The following UBE2V2 variants were observed in gnomAD, a reference collection of about 807,000 sequenced individuals.
UBE2V2 encodes the protein ubiquitin conjugating enzyme E2 V2.
In UBE2V2, 9 loss-of-function variants were observed where a neutral mutation model predicts 17.2. That is an observed-to-expected ratio of 0.52 (90% CI 0.32 to 0.91). The LOEUF (loss-of-function observed/expected upper bound fraction) is 0.91, where lower values mean the gene tolerates loss of function less well. Ranked by LOEUF, UBE2V2 falls within the 40% of genes least tolerant of loss-of-function variation. The pLI is 0.04. For missense variants in UBE2V2, 133 were observed against 182.6 expected, an observed-to-expected ratio of 0.73 and a Z score of 1.56; for synonymous variants, 61 against 57.5, an observed-to-expected ratio of 1.06 and a Z score of -0.28.
intron 1 of UBE2V2, among the ~76,000 whole-genome samples, chr8:48,040,354 A>G (rs571794648): frequency 6.6e-6 from 1 of 152,306 alleles, no homozygotes; most frequent in South Asian, 2.1e-4. Flanking sequence ...TACCAGCCCT[A>G]TTCAGATTTC....
At chr8:48,030,522 AC>A (rs1443868215) in intron 1 of UBE2V2, among the ~76,000 whole-genome samples, 1 of 152,208 alleles carries the variant, frequency 6.6e-6, no homozygotes, top group Non-Finnish European at 1.5e-5. Flanking sequence ...GGAGTTCGAG[AC>A]CAGCCTGGGC....
At position 48,063,491 on chromosome 8, in the gene UBE2V2, C is replaced by G. The variant is rs1053576861; in HGVS notation, c.*2663C>G. 3.3e-5 allele frequency: 5 copies of G among 152,126 alleles called. No individual in the cohort carries two copies. The highest frequency in any genetic ancestry group is 1.2e-4 in the African/African-American group (5 of 41,426). 9.4% of individuals were successfully genotyped at this position (152,126 alleles called of 1,614,324 possible). A position where few individuals can be genotyped will look rare whatever the true frequency, so the allele number is the denominator to read the frequency against. On this transcript the variant is annotated 3_prime_UTR_variant, in exon 4 of 4. Coordinates refer to ENST00000523111, the MANE Select transcript of UBE2V2 (RefSeq NM_003350.3). Reference sequence around the variant, plus strand: ...CTTAGAAATTTGTTTAAAAGGCTAGCAAGTGAGACCCTTGAGGATGATCAT... The same window carrying G: ...CTTAGAAATTTGTTTAAAAGGCTAGGAAGTGAGACCCTTGAGGATGATCAT...
chr8:48,027,297 G>A (rs1172836431), intron 1 of UBE2V2, among the ~76,000 whole-genome samples: 2 of 152,068 alleles, frequency 1.3e-5, no homozygotes, highest in African/African-American at 4.8e-5. Context: ...CACTCTGCCC[G>A]GGCCCAAAAG....
At chr8:48,054,548 A>T (rs545512403) in intron 3 of UBE2V2, among the ~76,000 whole-genome samples, 1 of 152,304 alleles carries the variant, frequency 6.6e-6, no homozygotes, top group East Asian at 1.9e-4. Context: ...CTTCATTTAC[A>T]TCTAAGAGTT....
chr8:48,035,620 T>TTTTG (rs1491392832), intron 1 of UBE2V2, among the ~76,000 whole-genome samples: 1 of 44,528 alleles, frequency 2.2e-5, no homozygotes, highest in African/African-American at 5.0e-5. Context: ...AAAATTATTG[T>TTTTG]TTTTTTTTTT....
chr8:48,005,119 A>G (rs2091175695), upstream of UBE2V2, among the ~76,000 whole-genome samples: 1 of 150,164 alleles, frequency 6.7e-6, no homozygotes, highest in African/African-American at 2.5e-5. Context: ...TGCTACACCC[A>G]TCAACCTGTC....
intron 3 of UBE2V2, among the ~76,000 whole-genome samples, chr8:48,053,002 G>A (rs1464476010): frequency 6.6e-6 from 1 of 152,130 alleles, no homozygotes; most frequent in African/African-American, 2.4e-5. Flanking sequence ...CATCTCCTGG[G>A]TTTAAGTGAT....
intron 1 of UBE2V2, among the ~76,000 whole-genome samples, chr8:48,024,100 A>G (rs13255627): frequency 2.1e-3 from 317 of 152,278 alleles, no homozygotes; most frequent in South Asian, 4.1e-3. Flanking sequence ...GCTGTTTCAA[A>G]CCTTAGAAGG....
chr8:48,057,208 G>T (rs2091578709), intron 3 of UBE2V2, among the ~76,000 whole-genome samples: 1 of 152,210 alleles, frequency 6.6e-6, no homozygotes, highest in East Asian at 1.9e-4. Flanking sequence ...GATGAATATT[G>T]TCATCTTCAC....
Position 48,050,017 on chromosome 8 carries a change from T to A in UBE2V2, c.291+39T>A, listed in dbSNP as rs754243691. 3.6e-6 allele frequency: 5 copies of A among 1,371,458 alleles called. No homozygotes were observed. The East Asian group carries it at 1.2e-4, about 33-fold the overall frequency. 85.0% of individuals were successfully genotyped at this position (1,371,458 alleles called of 1,614,324 possible). Reference sequence around the variant, plus strand: ...GTCATTTTGGTTTTATATAACATAATGTATAGAGTTATATATTATACGTAC... The same window carrying A: ...GTCATTTTGGTTTTATATAACATAAAGTATAGAGTTATATATTATACGTAC... On this transcript the variant is annotated intron_variant, in intron 3 of 3. Transcript: ENST00000523111.
the UBE2V2 span, among the ~76,000 whole-genome samples, chr8:48,003,104 G>A: frequency 1.2e-4 from 19 of 152,136 alleles, no homozygotes; most frequent in South Asian, 1.7e-3. Context: ...CAGCTACTTG[G>A]GAGGCTGAGG....
At position 48,049,845 on chromosome 8, in the gene UBE2V2, C is replaced by A; in HGVS notation, c.166-8C>A. On this transcript the variant is annotated splice_region_variant and splice_polypyrimidine_tract_variant and intron_variant, in intron 2 of 3. Transcript: ENST00000523111. ...ATTTTGATTATCTTTTTGTTTTTTG[C>A]CTTCCAGACAAATTATGAAAACAGA... 6.3e-7 allele frequency: 1 copy of A among 1,576,640 alleles called. No individual in the cohort carries two copies. The highest frequency in any genetic ancestry group is 8.6e-7 in the Non-Finnish European group (1 of 1,166,384).
At chr8:48,052,455 G>C (rs2091544852) in intron 3 of UBE2V2, among the ~76,000 whole-genome samples, 1 of 152,182 alleles carries the variant, frequency 6.6e-6, no homozygotes, top group Admixed American at 6.5e-5. Flanking sequence ...TTTTGGTCCA[G>C]TAGTTGATAT....
In UBE2V2 at chr8:48,063,258, C is replaced by T. The variant is rs982018271; in HGVS notation, c.*2430C>T. 2.6e-5 allele frequency: 4 copies of T among 152,180 alleles called. No individual in the cohort carries two copies. Among genetic ancestry groups the T allele is most frequent in the African/African-American group, 9.7e-5 (4 of 41,432 alleles). 9.4% of individuals were successfully genotyped at this position (152,180 alleles called of 1,614,324 possible). A position where few individuals can be genotyped will look rare whatever the true frequency, so the allele number is the denominator to read the frequency against. ...TGCAGAAATCTGCATGCCAATTAAC[C>T]CATTTCTAAAGCAGAATCCATTTTG... is the stretch of plus-strand genomic sequence containing the variant. On this transcript the variant is annotated 3_prime_UTR_variant, in exon 4 of 4. Coordinates refer to ENST00000523111, the MANE Select transcript of UBE2V2 (RefSeq NM_003350.3).
At position 48,060,663 on chromosome 8, in the gene UBE2V2, C is replaced by T; in HGVS notation, c.292-19C>T. 1 of 1,438,780 alleles carries T rather than the reference C, an allele frequency of 7.0e-7. No individual in the cohort carries two copies. The highest frequency in any genetic ancestry group is 1.7e-5 in the South Asian group (1 of 59,550). The allele number at this position is 1,438,780 out of a possible 1,614,324, so 89.1% of individuals were successfully genotyped here. On this transcript the variant is annotated intron_variant, in intron 3 of 3. Transcript: ENST00000523111. Reference sequence around the variant, plus strand: ...ACTTTAAACTTGCTAGTTAACTGTACTCTTTCCTCCCCTTTCAGGTGGATG... The same window carrying T: ...ACTTTAAACTTGCTAGTTAACTGTATTCTTTCCTCCCCTTTCAGGTGGATG...
the UBE2V2 span, among the ~76,000 whole-genome samples, chr8:47,997,465 G>A: frequency 6.6e-6 from 1 of 151,964 alleles, no homozygotes; most frequent in African/African-American, 2.4e-5. Flanking sequence ...GAAGTCATCC[G>A]CATGGGCCTG....
At chr8:48,057,678 G>A (rs1401093804) in intron 3 of UBE2V2, among the ~76,000 whole-genome samples, 2 of 152,022 alleles carry the variant, frequency 1.3e-5, no homozygotes, top group Non-Finnish European at 2.9e-5. Context: ...AGGAGAGGAG[G>A]GTGGTAGGAA....
intron 1 of UBE2V2, among the ~76,000 whole-genome samples, chr8:48,014,851 C>T (rs964844309): frequency 1.7e-4 from 25 of 147,918 alleles, no homozygotes; most frequent in African/African-American, 5.5e-4. Context: ...GAGATCAAGA[C>T]CATCCTGGCT....
chr8:48,018,963 G>T (rs1327460282), intron 1 of UBE2V2, among the ~76,000 whole-genome samples: 1 of 152,120 alleles, frequency 6.6e-6, no homozygotes, highest in African/African-American at 2.4e-5. Context: ...AGGCATAGTG[G>T]CTCATGCCTG....
Sources: gnomAD v4.1 joint callset for allele counts (sites outside exome capture counted in the v4.1 genomes callset) on GRCh38, gnomAD v4.1.1 for gene constraint, MANE v1.5 for transcripts, NCBI Gene and HGNC (gene_info 2026-07-23, HGNC 2026-07-21) for gene names.